The following STPG2 variants were observed in gnomAD, a reference collection of about 807,000 sequenced individuals.
The protein encoded by STPG2 is sperm-tail PG-rich repeat-containing protein 2.
STPG2 carries 56 observed loss-of-function variants against 54.2 expected under a neutral mutation model. The observed-to-expected ratio is 1.03, with a 90% CI of 0.83 to 1.29. The LOEUF (loss-of-function observed/expected upper bound fraction) is 1.29. Ranked by LOEUF, STPG2 falls within the 50% of genes most tolerant of loss-of-function variation. The pLI is 0.00. For synonymous variants in STPG2, 200 were observed against 181.8 expected (o/e 1.10, Z -0.81); for missense variants, 596 against 544.9 (o/e 1.09, Z -0.93).
chr4:97,773,905 CT>C (rs1476463059), intron 9 of STPG2, among the ~76,000 whole-genome samples: 4 of 151,824 alleles, frequency 2.6e-5, no homozygotes, highest in Non-Finnish European at 2.9e-5. Flanking sequence ...GTCCCAGCTA[CT>C]TGTGAGGCTG....
intron 10 of STPG2, among the ~76,000 whole-genome samples, chr4:97,615,232 A>G (rs1733829596): frequency 6.6e-6 from 1 of 152,168 alleles, no homozygotes; most frequent in African/African-American, 2.4e-5. Flanking sequence ...GCCTCAAACT[A>G]GATCTTGTTC....
chr4:98,053,479 C>A (rs988772348), intron 5 of STPG2, among the ~76,000 whole-genome samples: 1 of 152,150 alleles, frequency 6.6e-6, no homozygotes, highest in South Asian at 2.1e-4. Flanking sequence ...GAGCCATTAA[C>A]TATAGCTATA....
chr4:97,801,189 C>T (rs1356343367), intron 9 of STPG2, among the ~76,000 whole-genome samples: 1 of 152,196 alleles, frequency 6.6e-6, no homozygotes, highest in Non-Finnish European at 1.5e-5. Context: ...ACCCACTGTC[C>T]TGCACCCACC....
At chr4:97,857,292 C>CT (rs987004607) in intron 8 of STPG2, among the ~76,000 whole-genome samples, 1 of 151,922 alleles carries the variant, frequency 6.6e-6, no homozygotes, top group African/African-American at 2.4e-5. Context: ...TGGTGTTGGG[C>CT]TTTTTCTTGG....
intron 7 of STPG2, among the ~76,000 whole-genome samples, chr4:97,964,603 C>A (rs1226535067): frequency 3.3e-5 from 5 of 152,040 alleles, no homozygotes; most frequent in Non-Finnish European, 7.4e-5. Flanking sequence ...AAGAATCCCA[C>A]AAATATAATA....
At chr4:97,470,365 G>A (rs1729892936) in intron 4 of STPG2, among the ~76,000 whole-genome samples, 1 of 151,934 alleles carries the variant, frequency 6.6e-6, no homozygotes, top group South Asian at 2.1e-4. Context: ...TATAGTGTGG[G>A]GGTAAAATTA....
At chr4:97,597,038 G>C (rs1578413839) in intron 10 of STPG2, among the ~76,000 whole-genome samples, 1 of 151,990 alleles carries the variant, frequency 6.6e-6, no homozygotes. Flanking sequence ...GAGAAAAACA[G>C]AGAAGGTCCA....
chr4:97,773,011 G>C (rs1380189575), intron 9 of STPG2, among the ~76,000 whole-genome samples: 1 of 152,050 alleles, frequency 6.6e-6, no homozygotes, highest in East Asian at 1.9e-4. Context: ...TTAAATTGTT[G>C]CTTACACAAC....
At position 98,026,746 on chromosome 4, in the gene STPG2, C is replaced by G. The variant is rs529999275; in HGVS notation, c.613-45428G>C. On this transcript the variant is annotated intron_variant, in intron 5 of 10. Transcript: ENST00000295268. ...TCCAGTGAGATCTCAATCTTAGGAGCGGGAGGTGATTCTTCCAAGTTCTTA... is the reference window on the plus strand; with the variant it reads ...TCCAGTGAGATCTCAATCTTAGGAGGGGGAGGTGATTCTTCCAAGTTCTTA... Among the ~76,000 whole-genome samples the G allele has an allele frequency of 2.8e-4, 42 of 152,096 alleles. 1 individual carries two copies. The highest frequency in any genetic ancestry group is 5.7e-4 in the Non-Finnish European group (39 of 68,024).
chr4:97,500,543 G>T (rs537956026), intron 4 of STPG2, among the ~76,000 whole-genome samples: 1 of 152,110 alleles, frequency 6.6e-6, no homozygotes, highest in East Asian at 1.9e-4. Flanking sequence ...AAGGTTGTGA[G>T]AAATAGAAAA....
chr4:97,450,748 A>G (rs1578308125), intron 4 of STPG2, among the ~76,000 whole-genome samples: 2 of 152,338 alleles, frequency 1.3e-5, no homozygotes, highest in South Asian at 2.1e-4. Context: ...GATTTTGGTG[A>G]TGACAAAAGT....
chr4:97,782,243 A>G (rs555276172), intron 9 of STPG2, among the ~76,000 whole-genome samples: 3 of 152,336 alleles, frequency 2.0e-5, no homozygotes, highest in South Asian at 2.1e-4. Context: ...GTCTCAGGAT[A>G]CAAAATCAAT....
At chr4:98,101,200 T>TTTAG (rs1214733540) in intron 5 of STPG2, among the ~76,000 whole-genome samples, 1 of 152,144 alleles carries the variant, frequency 6.6e-6, no homozygotes, top group African/African-American at 2.4e-5. Context: ...TCTGTTCAGC[T>TTTAG]GCATTTAGGC....
At chr4:98,011,399 T>A (rs1436353702) in intron 5 of STPG2, among the ~76,000 whole-genome samples, 4 of 152,220 alleles carry the variant, frequency 2.6e-5, no homozygotes, top group Non-Finnish European at 5.9e-5. Context: ...TTTGCTATTG[T>A]AAATACTGCT....
intron 10 of STPG2, among the ~76,000 whole-genome samples, chr4:97,634,995 C>A (rs1721456298): frequency 6.6e-6 from 1 of 152,106 alleles, no homozygotes; most frequent in Admixed American, 6.6e-5. Context: ...GAGAACGCCA[C>A]AAAGATACTC....
chr4:98,027,112 A>G (rs1450873857), intron 5 of STPG2, among the ~76,000 whole-genome samples: 1 of 152,130 alleles, frequency 6.6e-6, no homozygotes, highest in Non-Finnish European at 1.5e-5. Flanking sequence ...CAATGTTCCC[A>G]GGGGAAAGGC....
intron 4 of STPG2, among the ~76,000 whole-genome samples, chr4:97,455,185 C>T (rs893915084): frequency 2.0e-5 from 3 of 151,978 alleles, no homozygotes; most frequent in East Asian, 1.9e-4. Flanking sequence ...ATCTAGATGA[C>T]GTGTTTGGCA....
intron 10 of STPG2, among the ~76,000 whole-genome samples, chr4:97,584,422 A>G (rs1243026621): frequency 3.3e-5 from 5 of 152,022 alleles, no homozygotes; most frequent in African/African-American, 1.2e-4. Context: ...TACCTACATC[A>G]AAAAGTCTGA....
At chr4:97,879,321 A>G (rs1730290640) in intron 8 of STPG2, among the ~76,000 whole-genome samples, 1 of 152,098 alleles carries the variant, frequency 6.6e-6, no homozygotes, top group Non-Finnish European at 1.5e-5. Context: ...ACTGGTAACA[A>G]TTTACTGTAT....
Sources: gnomAD v4.1 joint callset for allele counts (sites outside exome capture counted in the v4.1 genomes callset) on GRCh38, gnomAD v4.1.1 for gene constraint, MANE v1.5 for transcripts, NCBI Gene and HGNC (gene_info 2026-07-23, HGNC 2026-07-21) for gene names.